Variants in ADAMTS6 observed in about 807,000 individuals in gnomAD.
ADAMTS6 encodes the protein ADAM metallopeptidase with thrombospondin type 1 motif 6.
In ADAMTS6, 23 loss-of-function variants were observed where a neutral mutation model predicts 144.3. That is an observed-to-expected ratio of 0.16 (90% CI 0.11 to 0.23). The LOEUF is 0.23. Among genes scored for constraint, ADAMTS6 ranks in the 10% least tolerant of loss-of-function variants. ADAMTS6 has a pLI of 1.00. For missense variants in ADAMTS6, 999 were observed against 1,379.6 expected, an observed-to-expected ratio of 0.72 and a Z score of 4.37; for synonymous variants, 444 against 457.5, an observed-to-expected ratio of 0.97 and a Z score of 0.38.
chr5:65,396,728 T>A (rs996280037), intron 7 of ADAMTS6, among the ~76,000 whole-genome samples: 1 of 152,230 alleles, frequency 6.6e-6, no homozygotes, highest in Non-Finnish European at 1.5e-5. Flanking sequence ...TATACATTGC[T>A]GGATTCTATT....
At chr5:65,327,894 A>T (rs548352580) in intron 9 of ADAMTS6, among the ~76,000 whole-genome samples, 2 of 152,272 alleles carry the variant, frequency 1.3e-5, no homozygotes, top group East Asian at 3.9e-4. Flanking sequence ...ACTTTTCCTA[A>T]CCTTCCAATT....
intron 9 of ADAMTS6, among the ~76,000 whole-genome samples, chr5:65,302,209 ATATAT>A (rs199928187): frequency 0.016 from 2,245 of 144,256 alleles, 31 homozygotes; most frequent in African/African-American, 0.038. Context: ...GATATTATAC[ATATAT>A]TATATACTTA....
At chr5:65,426,374 A>G (rs1756538185) in intron 7 of ADAMTS6, among the ~76,000 whole-genome samples, 1 of 151,972 alleles carries the variant, frequency 6.6e-6, no homozygotes, top group Admixed American at 6.6e-5. Context: ...TGTGCTTCTA[A>G]ATTAGCCTAC....
intron 11 of ADAMTS6, among the ~76,000 whole-genome samples, chr5:65,278,178 T>C (rs979804904): frequency 2.0e-4 from 31 of 152,322 alleles, no homozygotes; most frequent in African/African-American, 7.2e-4. Context: ...TATGGCTGAG[T>C]AGTATTCCAC....
At chr5:65,405,069 C>T (rs1464030577) in intron 7 of ADAMTS6, among the ~76,000 whole-genome samples, 1 of 152,252 alleles carries the variant, frequency 6.6e-6, no homozygotes, top group Admixed American at 6.5e-5. Flanking sequence ...GAGTAGATTG[C>T]AAAAATTTTC....
Position 65,369,024 on chromosome 5 carries a change from C to T in ADAMTS6, c.1074-34939G>A, listed in dbSNP as rs529621513. Reference sequence around the variant, plus strand: ...TGGGCTGAGATCAAGGCACTGCACTCCAGCCTGGGTGACAGAGTGAGACTG... The same window carrying T: ...TGGGCTGAGATCAAGGCACTGCACTTCAGCCTGGGTGACAGAGTGAGACTG... On this transcript the variant is annotated intron_variant, in intron 7 of 24. Coordinates refer to ENST00000381055, the MANE Select transcript of ADAMTS6 (RefSeq NM_197941.4). Among the ~76,000 whole-genome samples, 11 of 152,276 alleles carry T rather than the reference C, an allele frequency of 7.2e-5. No individual in the cohort carries two copies. In the South Asian group the frequency reaches 2.3e-3, roughly 32 times the overall value.
chr5:65,281,715 A>T (rs1014992458), intron 11 of ADAMTS6, among the ~76,000 whole-genome samples: 12 of 152,134 alleles, frequency 7.9e-5, no homozygotes, highest in African/African-American at 2.9e-4. Context: ...AACAAATATA[A>T]GTGGGTAATA....
chr5:65,339,455 CAAAAAAA>C (rs538468970), intron 7 of ADAMTS6, among the ~76,000 whole-genome samples: 1 of 108,670 alleles, frequency 9.2e-6, no homozygotes, highest in South Asian at 3.0e-4. Context: ...ATAAAAAAAG[CAAAAAAA>C]AAAAAAATGC....
intron 11 of ADAMTS6, 103 bp from the exon 12 acceptor site, chr5:65,273,550 G>T: frequency 1.1e-6 from 1 of 898,210 alleles, no homozygotes; most frequent in Non-Finnish European, 1.7e-6. Context: ...AGAGACCCTG[G>T]GTACCTTTTG....
intron 9 of ADAMTS6, among the ~76,000 whole-genome samples, chr5:65,311,464 CA>C (rs1285797363): frequency 6.6e-6 from 1 of 152,028 alleles, no homozygotes; most frequent in Non-Finnish European, 1.5e-5. Context: ...AACATTAAAG[CA>C]GATCATTTTT....
intron 11 of ADAMTS6, among the ~76,000 whole-genome samples, chr5:65,278,388 C>T (rs1762729803): frequency 6.6e-6 from 1 of 152,306 alleles, no homozygotes; most frequent in African/African-American, 2.4e-5. Context: ...CTACTTTTAA[C>T]TCTTTAAGGA....
chr5:65,371,480 G>A (rs2150120330), intron 7 of ADAMTS6, among the ~76,000 whole-genome samples: 1 of 152,238 alleles, frequency 6.6e-6, no homozygotes, highest in African/African-American at 2.4e-5. Context: ...GAATGCAGAA[G>A]CCTCAGGAGC....
At chr5:65,311,261 C>T (rs1031266211) in intron 9 of ADAMTS6, among the ~76,000 whole-genome samples, 1 of 151,906 alleles carries the variant, frequency 6.6e-6, no homozygotes, top group East Asian at 1.9e-4. Flanking sequence ...ATATATAATA[C>T]TATATAATAA....
At chr5:65,308,144 C>A (rs938045525) in intron 9 of ADAMTS6, among the ~76,000 whole-genome samples, 1 of 152,126 alleles carries the variant, frequency 6.6e-6, no homozygotes, top group East Asian at 1.9e-4. Flanking sequence ...GCAGGGGGTA[C>A]TGGGAACTAG....
At chr5:65,336,985 T>C (rs1261353887) in intron 7 of ADAMTS6, among the ~76,000 whole-genome samples, 2 of 152,104 alleles carry the variant, frequency 1.3e-5, no homozygotes, top group Non-Finnish European at 2.9e-5. Context: ...CTTCCCTGAA[T>C]ATGTATCATG....
rs561090827 is a variant in ADAMTS6, at chr5:65,382,333, A to G, written c.1074-48248T>C. On this transcript the variant is annotated intron_variant, in intron 7 of 24. Coordinates refer to ENST00000381055, the MANE Select transcript of ADAMTS6 (RefSeq NM_197941.4). The stretch of plus-strand genomic sequence containing the variant: ...ATTAGTCATTACCTGACTTGGCCAT[A>G]TAAGAAGTCTCAATATTACTCCTAT... Among the ~76,000 whole-genome samples the G allele has an allele frequency of 6.6e-5, 10 of 152,348 alleles. No homozygotes were observed. The East Asian group carries it at 9.6e-4, about 15-fold the overall frequency.
intron 7 of ADAMTS6, among the ~76,000 whole-genome samples, chr5:65,435,904 G>A (rs988078299): frequency 6.6e-6 from 1 of 152,052 alleles, no homozygotes; most frequent in African/African-American, 2.4e-5. Flanking sequence ...GGGATTACAG[G>A]TGTGAGCCAC....
intron 1 of ADAMTS6, among the ~76,000 whole-genome samples, chr5:65,475,206 A>G (rs1760758897): frequency 1.3e-5 from 2 of 152,202 alleles, no homozygotes; most frequent in Admixed American, 6.5e-5. Flanking sequence ...AGTTAACTGT[A>G]AAATTAACTT....
At chr5:65,429,079 TAGAA>T (rs1030747133) in intron 7 of ADAMTS6, among the ~76,000 whole-genome samples, 5 of 152,112 alleles carry the variant, frequency 3.3e-5, no homozygotes, top group African/African-American at 4.8e-5. Context: ...CCACAGAAAC[TAGAA>T]AGAATTTCCC....
Sources: allele counts gnomAD v4.1 joint callset (sites outside exome capture counted in the v4.1 genomes callset), GRCh38; gene constraint gnomAD v4.1.1; transcripts MANE v1.5; gene names NCBI Gene and HGNC (gene_info 2026-07-23, HGNC 2026-07-21).